The following ABCA4 variants were observed in gnomAD, a reference collection of about 807,000 sequenced individuals.
The protein encoded by ABCA4 is retinal-specific phospholipid-transporting ATPase ABCA4.
A neutral mutation model predicts 263.7 loss-of-function variants in ABCA4; 196 were observed. That is an observed-to-expected ratio of 0.74 (90% CI 0.66 to 0.84). The LOEUF is 0.84. Among genes scored for constraint, ABCA4 ranks in the 40% least tolerant of loss-of-function variants. The probability of loss-of-function intolerance (pLI) is 0.00; values close to 1 mark genes in which losing one functional copy is unlikely to be tolerated. For missense variants in ABCA4, 2,792 were observed against 2,855.1 expected (o/e 0.98, Z 0.50); for synonymous variants, 1,133 against 1,094.2 (o/e 1.04, Z -0.70).
In ABCA4 at chr1:94,021,899, C is replaced by A. The variant is rs1282472315; in HGVS notation, c.4720G>T (p.Glu1574Ter). ...GKLPVVPITG[E>*]ALVGFLSDLG... The stretch of plus-strand genomic sequence containing the variant: ...TCGCTTAAAAACCCAACAAGTGCTT[C>A]CCCCGTGATGGGGACGACTGGGAGC... The change falls in exon 33 of 50, where the codon GAA (glutamate) becomes TAA (stop). Residue 1574 changes from glutamate (E) to a stop codon, truncating the protein, a stop_gained. Transcript: ENST00000370225. LOFTEE classifies it high-confidence loss of function. 5 of 1,614,202 alleles carry A rather than the reference C, an allele frequency of 3.1e-6. No individual in the cohort carries two copies.
chr1:94,039,174 G>A (rs187490202), intron 24 of ABCA4, among the ~76,000 whole-genome samples: 91 of 152,314 alleles, frequency 6.0e-4, no homozygotes, highest in Non-Finnish European at 1.0e-3. Flanking sequence ...GATGTTTTCT[G>A]TTCATCACAG....
At chr1:94,055,072 G>T (rs778478211) in intron 16 of ABCA4, 39 bp downstream of exon 16, 3 of 1,571,742 alleles carry the variant, frequency 1.9e-6, no homozygotes. Context: ...GGGATCTGAA[G>T]AACTCAATTA....
Position 94,079,309 on chromosome 1 carries a change from G to A in ABCA4, c.1239+13C>T, listed in dbSNP as rs1337085710. 1 of 1,614,078 alleles carries A rather than the reference G, an allele frequency of 6.2e-7. No individual in the cohort carries two copies. The highest frequency in any genetic ancestry group is 1.1e-5 in the South Asian group (1 of 91,076). ...GTCCAGGGTACACAAGGCAAGCCCAGCTGGGATCTTACATTCTTCAGTATC... is the reference window on the plus strand; with the variant it reads ...GTCCAGGGTACACAAGGCAAGCCCAACTGGGATCTTACATTCTTCAGTATC... On this transcript the variant is annotated intron_variant, in intron 9 of 49. Coordinates refer to ENST00000370225, the MANE Select transcript of ABCA4 (RefSeq NM_000350.3).
At chr1:94,047,374 T>G (rs1036203100) in intron 18 of ABCA4, among the ~76,000 whole-genome samples, 1 of 152,184 alleles carries the variant, frequency 6.6e-6, no homozygotes, top group Non-Finnish European at 1.5e-5. Flanking sequence ...TAGGCTCATT[T>G]CCATAGTCCA....
At position 94,000,982 on chromosome 1, in the gene ABCA4, C is replaced by T. The variant is rs1223868646; in HGVS notation, c.6386+20G>A. The T allele has an allele frequency of 3.7e-6, 6 of 1,614,074 alleles. No homozygotes were observed. Among genetic ancestry groups the T allele is most frequent in the Non-Finnish European group, 5.1e-6 (6 of 1,179,924 alleles). ...GGAGAGGATTCCCACCCACCTTCCC[C>T]AGCCCTGGGAATCTCTTGCCTGTGG... On this transcript the variant is annotated intron_variant, in intron 46 of 49. Transcript: ENST00000370225.
chr1:94,072,157 A>C (rs1250304675), intron 11 of ABCA4, among the ~76,000 whole-genome samples: 1 of 152,190 alleles, frequency 6.6e-6, no homozygotes. Flanking sequence ...AATAGTCCAA[A>C]TCTCTGGCCT....
In ABCA4 at chr1:94,080,351, C is replaced by T. The variant is rs1368982763; in HGVS notation, c.1099+127G>A. 5.9e-6 allele frequency: 8 copies of T among 1,345,938 alleles called. No homozygotes were observed. In the African/African-American group the frequency reaches 8.6e-5, roughly 15 times the overall value. 83.4% of individuals were successfully genotyped at this position (1,345,938 alleles called of 1,614,324 possible). A position where few individuals can be genotyped will look rare whatever the true frequency, so the allele number is the denominator to read the frequency against. On this transcript the variant is annotated intron_variant, in intron 8 of 49. Transcript: ENST00000370225. ...GAAGTGGACTTTCTGGGAGAAGTCT[C>T]TTTACCTAAGGCCACTCAGCAAGAC... is the stretch of plus-strand genomic sequence containing the variant.
At chr1:94,019,286 T>G in intron 36 of ABCA4, 1 of 323,458 alleles carries the variant, frequency 3.1e-6, no homozygotes, top group Non-Finnish European at 5.9e-6. Flanking sequence ...GACTCATGCC[T>G]GCGGTGCAGT....
intron 36 of ABCA4, among the ~76,000 whole-genome samples, chr1:94,016,754 A>G (rs1214980212): frequency 6.6e-6 from 1 of 152,164 alleles, no homozygotes. Flanking sequence ...GTACATCCAT[A>G]TCTTCCCTAG....
chr1:94,006,203 C>A (rs967350565), intron 43 of ABCA4, among the ~76,000 whole-genome samples: 9 of 152,120 alleles, frequency 5.9e-5, no homozygotes, highest in Admixed American at 3.3e-4. Flanking sequence ...AGCTTAGGGT[C>A]TATGAATAAA....
intron 44 of ABCA4, 96 bp downstream of exon 44, chr1:94,005,345 C>A: frequency 6.8e-7 from 1 of 1,471,334 alleles, no homozygotes; most frequent in Non-Finnish European, 9.5e-7. Context: ...GAATGAATAG[C>A]ACGCTTCAGT....
intron 18 of ABCA4, 53 bp downstream of exon 18, chr1:94,048,815 G>C: frequency 6.4e-7 from 1 of 1,569,274 alleles, no homozygotes; most frequent in Non-Finnish European, 8.8e-7. Flanking sequence ...GCCCTCTGCA[G>C]TGCTTAGAGC....
chr1:94,077,611 C>T, intron 11 of ABCA4, 79 bp downstream of exon 11: 1 of 1,371,380 alleles, frequency 7.3e-7, no homozygotes, highest in Non-Finnish European at 1.0e-6. Flanking sequence ...TTCAAGACCA[C>T]TTGACTTGCT....
intron 11 of ABCA4, among the ~76,000 whole-genome samples, chr1:94,074,796 T>C (rs1661494960): frequency 6.6e-6 from 1 of 152,170 alleles, no homozygotes; most frequent in Non-Finnish European, 1.5e-5. Flanking sequence ...GAACCAGAAA[T>C]ACAATTTGAC....
intron 24 of ABCA4, 85 bp downstream of exon 24, chr1:94,039,958 T>G (rs930057585): frequency 2.5e-6 from 3 of 1,188,692 alleles, no homozygotes; most frequent in Non-Finnish European, 3.7e-6. Flanking sequence ...TTGCTCCCAT[T>G]AAAATGCATC....
chr1:94,038,366 C>T (rs1437400675), intron 24 of ABCA4, among the ~76,000 whole-genome samples: 1 of 152,188 alleles, frequency 6.6e-6, no homozygotes, highest in Non-Finnish European at 1.5e-5. Context: ...TCTTGAGAGG[C>T]AGGTCAAAGG....
chr1:94,005,345 C>T (rs1659347963), intron 44 of ABCA4, 96 bp downstream of exon 44: 3 of 1,471,336 alleles, frequency 2.0e-6, no homozygotes, highest in Middle Eastern at 1.7e-4. Flanking sequence ...GAATGAATAG[C>T]ACGCTTCAGT....
Position 94,080,662 on chromosome 1 carries a change from C to G in ABCA4, c.915G>C (p.Gln305His). ...TTGTAAAGGTCTCTGGACCACCATT[C>G]TGCATGAGGGGCCTGGTCACCCACA... Reference protein sequence around the residue: ...DLLWVTRPLMQNGGPETFTKL... With the variant: ...DLLWVTRPLMHNGGPETFTKL... The change falls in exon 8 of 50, where the codon CAG (glutamine) becomes CAC (histidine). Residue 305 changes from glutamine to histidine, a missense_variant. Gln to His is a conservative substitution (Grantham distance 24). Transcript: ENST00000370225. The G allele has an allele frequency of 6.2e-7, 1 of 1,614,140 alleles. No individual in the cohort carries two copies. The highest frequency in any genetic ancestry group is 8.5e-7 in the Non-Finnish European group (1 of 1,180,016).
At position 94,103,155 on chromosome 1, in the gene ABCA4, A is replaced by G. The variant is rs770560217; in HGVS notation, c.443-13T>C. 1.9e-6 allele frequency: 3 copies of G among 1,613,550 alleles called. No individual in the cohort carries two copies. The highest frequency in any genetic ancestry group is 1.1e-5 in the South Asian group (1 of 91,042). ...CGTATTCCTCTTCCTACATATGAAT[A>G]AGAGAAAGAACAGGGTGTTGAAGGG... On this transcript the variant is annotated splice_polypyrimidine_tract_variant and intron_variant, in intron 4 of 49. Transcript: ENST00000370225.
Sources: allele counts gnomAD v4.1 joint callset (sites outside exome capture counted in the v4.1 genomes callset), GRCh38; gene constraint gnomAD v4.1.1; transcripts MANE v1.5; gene names NCBI Gene and HGNC (gene_info 2026-07-23, HGNC 2026-07-21).